CELF2: variants seen among roughly 807,000 people sequenced by gnomAD.
CELF2 encodes the protein CUG triplet repeat RNA-binding protein 2.
Under a neutral mutation model 62.6 loss-of-function variants are expected in CELF2, and 8 were observed. The observed-to-expected ratio is 0.13, with a 90% CI of 0.07 to 0.23. The LOEUF (loss-of-function observed/expected upper bound fraction) is 0.23, where lower values mean the gene tolerates loss of function less well. CELF2 is among the 10% of genes least tolerant of loss of function. The pLI, the probability that CELF2 is intolerant of heterozygous loss-of-function variation, is 1.00. For synonymous variants in CELF2, 258 were observed against 250.0 expected, an observed-to-expected ratio of 1.03 and a Z score of -0.30; for missense variants, 333 against 671.0, an observed-to-expected ratio of 0.50 and a Z score of 5.56.
At chr10:10,617,485 A>T in the CELF2 span, among the ~76,000 whole-genome samples, 1 of 152,140 alleles carries the variant, frequency 6.6e-6, no homozygotes, top group Non-Finnish European at 1.5e-5. Flanking sequence ...GGATCCTTCA[A>T]GCTGGATTCT....
the CELF2 span, among the ~76,000 whole-genome samples, chr10:10,525,549 G>T: frequency 1.3e-5 from 2 of 152,028 alleles, no homozygotes; most frequent in Admixed American, 6.6e-5. Context: ...TGCTTCTATG[G>T]TTTCAACATT....
At chr10:11,043,872 C>T (rs922155368) in intron 1 of CELF2, among the ~76,000 whole-genome samples, 4 of 152,204 alleles carry the variant, frequency 2.6e-5, no homozygotes, top group African/African-American at 7.2e-5. Context: ...AGCAAGCCAG[C>T]GTCCTTAAAA....
At chr10:10,764,868 A>T in the CELF2 span, among the ~76,000 whole-genome samples, 15,583 of 151,988 alleles carry the variant, frequency 0.1, 999 homozygotes, top group Non-Finnish European at 0.15. Context: ...AAATATCTCC[A>T]CTTCACATCT....
chr10:11,313,790 TAAA>T (rs60108238), intron 9 of CELF2, among the ~76,000 whole-genome samples: 9 of 143,748 alleles, frequency 6.3e-5, no homozygotes, highest in Non-Finnish European at 4.6e-5. Flanking sequence ...CCCATAGGCT[TAAA>T]AAAAAAAAAA....
At chr10:10,538,751 T>C in the CELF2 span, among the ~76,000 whole-genome samples, 1,204 of 152,288 alleles carry the variant, frequency 7.9e-3, 14 homozygotes, top group Non-Finnish European at 0.013. Flanking sequence ...AGGAGAAACA[T>C]CAAGGAAAGG....
chr10:10,562,004 A>G, the CELF2 span, among the ~76,000 whole-genome samples: 1 of 152,176 alleles, frequency 6.6e-6, no homozygotes, highest in Non-Finnish European at 1.5e-5. Flanking sequence ...TGCAAGGAAA[A>G]TGCAAGCTTT....
chr10:11,088,318 G>A (rs1404712270), intron 1 of CELF2, among the ~76,000 whole-genome samples: 2 of 152,216 alleles, frequency 1.3e-5, no homozygotes, highest in Non-Finnish European at 2.9e-5. Context: ...TCTTTAGAGG[G>A]CAGTGACCAA....
At chr10:10,491,015 G>T in the CELF2 span, among the ~76,000 whole-genome samples, 1 of 152,124 alleles carries the variant, frequency 6.6e-6, no homozygotes, top group Non-Finnish European at 1.5e-5. Context: ...AGTGACTATT[G>T]TAAGAAAAAC....
chr10:11,257,686 C>T, intron 4 of CELF2, 52 bp from the exon 5 acceptor site: 1 of 1,596,904 alleles, frequency 6.3e-7, no homozygotes, highest in Non-Finnish European at 8.6e-7. Flanking sequence ...GCATTGATTA[C>T]AAGAAAAAAA....
intron 1 of CELF2, among the ~76,000 whole-genome samples, chr10:10,876,316 A>G (rs2061089512): frequency 6.6e-6 from 1 of 152,152 alleles, no homozygotes. Context: ...CCATTGTGCT[A>G]TGCTGTGGTG....
the CELF2 span, among the ~76,000 whole-genome samples, chr10:10,781,467 G>T: frequency 1.3e-5 from 2 of 152,192 alleles, no homozygotes; most frequent in African/African-American, 4.8e-5. Context: ...GAAGGTGAAG[G>T]AGGAGCAAAG....
chr10:11,230,460 C>T (rs563028742), intron 3 of CELF2, among the ~76,000 whole-genome samples: 1 of 152,172 alleles, frequency 6.6e-6, no homozygotes, highest in Non-Finnish European at 1.5e-5. Flanking sequence ...ACACACTTCT[C>T]GCAAGTGCTG....
the CELF2 span, among the ~76,000 whole-genome samples, chr10:10,471,478 A>G: frequency 6.6e-6 from 1 of 151,572 alleles, no homozygotes; most frequent in Non-Finnish European, 1.5e-5. Context: ...CCATTTTTTT[A>G]TTATAAAGTA....
At chr10:11,206,729 T>C (rs183134225) in intron 2 of CELF2, among the ~76,000 whole-genome samples, 1 of 152,354 alleles carries the variant, frequency 6.6e-6, no homozygotes, top group East Asian at 1.9e-4. Context: ...GAGAAAAATA[T>C]GGTTCTGCTC....
At chr10:10,851,266 C>T (rs1475575762) in intron 1 of CELF2, among the ~76,000 whole-genome samples, 1 of 152,180 alleles carries the variant, frequency 6.6e-6, no homozygotes, top group Non-Finnish European at 1.5e-5. Flanking sequence ...CAATTACATT[C>T]TTGGGCATTT....
At position 11,246,808 on chromosome 10, in the gene CELF2, C is replaced by T. The variant is rs116760027; in HGVS notation, c.355-2345C>T. ...GCGCATACCTGTGGCTTCACTGTCA[C>T]GCTAAGGAACATTCTCTGTGGCCCT... On this transcript the variant is annotated intron_variant, in intron 3 of 12. Coordinates refer to ENST00000633077, the MANE Select transcript of CELF2 (RefSeq NM_001326342.2). This position sits in a 1 kb window ranked among gnomAD's most constrained non-coding sequence, Gnocchi z 4.6. Among the ~76,000 whole-genome samples, 40 of 152,344 alleles carry T rather than the reference C, an allele frequency of 2.6e-4. No homozygotes were observed. Among genetic ancestry groups the T allele is most frequent in the East Asian group, 1.3e-3 (7 of 5,186 alleles).
chr10:10,690,338 A>C, the CELF2 span, among the ~76,000 whole-genome samples: 7 of 152,356 alleles, frequency 4.6e-5, no homozygotes, highest in South Asian at 4.1e-4. Context: ...TGAGCAAATC[A>C]AACATGTTTC....
intron 1 of CELF2, among the ~76,000 whole-genome samples, chr10:11,100,641 C>T (rs536354384): frequency 1.6e-4 from 25 of 152,200 alleles, no homozygotes; most frequent in Non-Finnish European, 2.5e-4. Flanking sequence ...CCAATCCCCA[C>T]CATTCAAACA....
intron 1 of CELF2, among the ~76,000 whole-genome samples, chr10:11,081,302 G>A (rs2773486): frequency 0.062 from 9,365 of 152,226 alleles, 492 homozygotes; most frequent in African/African-American, 0.15. Flanking sequence ...AGCCTAGGGG[G>A]AGGAAGAAAG....
Sources: gnomAD v4.1 joint callset for allele counts (sites outside exome capture counted in the v4.1 genomes callset) on GRCh38, gnomAD v4.1.1 for gene constraint, Gnocchi (gnomAD v3.1) non-coding constraint, MANE v1.5 for transcripts, NCBI Gene and HGNC (gene_info 2026-07-23, HGNC 2026-07-21) for gene names.